The following PARP4 variants were observed in gnomAD, a reference collection of about 807,000 sequenced individuals.
The protein encoded by PARP4 is protein mono-ADP-ribosyltransferase PARP4.
A neutral mutation model predicts 187.7 loss-of-function variants in PARP4; 120 were observed. That is an observed-to-expected ratio of 0.64 (90% CI 0.55 to 0.74). PARP4 has a LOEUF of 0.74. Among genes scored for constraint, PARP4 ranks in the 30% least tolerant of loss-of-function variants. PARP4 has a pLI of 0.00. For synonymous variants in PARP4, 654 were observed against 740.9 expected, an observed-to-expected ratio of 0.88 and a Z score of 1.90; for missense variants, 1,836 against 2,070.5, an observed-to-expected ratio of 0.89 and a Z score of 2.20.
At chr13:24,428,902 T>C (rs932111638) in intron 32 of PARP4, among the ~76,000 whole-genome samples, 1 of 152,226 alleles carries the variant, frequency 6.6e-6, no homozygotes, top group Admixed American at 6.5e-5. Flanking sequence ...TACAAAAATG[T>C]TCAAATATTT....
chr13:24,460,175 G>A lies in PARP4; in HGVS notation c.2134-39C>T, dbSNP rs35932522. On this transcript the variant is annotated intron_variant, in intron 17 of 33. Transcript: ENST00000381989. ...ATATGACTTAGCTTCCAACTTGAAA[G>A]CATACCCATTATATGCCAGCTAACT... 5,575 of 1,573,516 alleles carry A rather than the reference G, an allele frequency of 3.5e-3. 167 individuals are homozygous for A. The African/African-American group carries it at 0.068, about 19-fold the overall frequency.
In PARP4 at chr13:24,512,770, C is replaced by G. The variant is rs1197557696; in HGVS notation, c.-66G>C. Reference sequence around the variant, plus strand: ...TCCGCGCTCCTTGCTCGCGGTACTTCCGTAATCTAGGCTCTCCCTGCCCCC... The same window carrying G: ...TCCGCGCTCCTTGCTCGCGGTACTTGCGTAATCTAGGCTCTCCCTGCCCCC... On this transcript the variant is annotated 5_prime_UTR_variant, in exon 1 of 34. Transcript: ENST00000381989. 2 of 152,458 alleles carry G rather than the reference C, an allele frequency of 1.3e-5. No individual in the cohort carries two copies. Among genetic ancestry groups the G allele is most frequent in the East Asian group, 3.9e-4 (2 of 5,178 alleles). 9.4% of individuals were successfully genotyped at this position (152,458 alleles called of 1,614,324 possible). A position where few individuals can be genotyped will look rare whatever the true frequency, so the allele number is the denominator to read the frequency against.
In PARP4 at chr13:24,443,651, T is replaced by C. The variant is rs779287799; in HGVS notation, c.3446A>G (p.Glu1149Gly). 4.4e-6 allele frequency: 7 copies of C among 1,598,346 alleles called. No individual in the cohort carries two copies. The Admixed American group carries it at 5.0e-5, about 11-fold the overall frequency. ...GILHENETSH[E>G]MKKQTLKSLI... ...ATTTTTACAATGAAAAGAACAAACCTCATGACTGGTTTCATTTTCGTGAAG... is the reference window on the plus strand; with the variant it reads ...ATTTTTACAATGAAAAGAACAAACCCCATGACTGGTTTCATTTTCGTGAAG... The change falls in exon 28 of 34, where the codon GAG (glutamate) becomes GGG (glycine). Residue 1149 changes from glutamate (E) to glycine (G), a missense_variant and splice_region_variant. Transcript: ENST00000381989.
intron 15 of PARP4, among the ~76,000 whole-genome samples, chr13:24,475,187 G>A (rs1872922314): frequency 1.3e-5 from 2 of 151,888 alleles, no homozygotes; most frequent in African/African-American, 4.8e-5. Flanking sequence ...TTTCTCTTTA[G>A]CACCTGTCAC....
intron 15 of PARP4, among the ~76,000 whole-genome samples, chr13:24,470,332 T>A (rs940392924): frequency 6.6e-6 from 1 of 152,152 alleles, no homozygotes; most frequent in Non-Finnish European, 1.5e-5. Context: ...AATTGCCCCT[T>A]TCGTTTTGTG....
chr13:24,510,617 TA>T (rs1869965383), intron 1 of PARP4, among the ~76,000 whole-genome samples: 4 of 151,770 alleles, frequency 2.6e-5, no homozygotes, highest in African/African-American at 7.3e-5. Context: ...CTTGTACATA[TA>T]TTTTTTTGCC....
At chr13:24,503,550 C>T (rs1224008056) in intron 2 of PARP4, 95 bp downstream of exon 2, 8 of 1,420,016 alleles carry the variant, frequency 5.6e-6, no homozygotes, top group Non-Finnish European at 7.9e-6. Context: ...CTCACTCTCT[C>T]CTGCTGCTAA....
rs34689435 is a variant in PARP4, at chr13:24,452,448, T to C, written c.2972A>G (p.Lys991Arg). ...QDESLTLQLV[K>R]RSRPHTRLFA... Reference sequence around the variant, plus strand: ...TAACCTGGTGTGCGGGCGGCTCCTCTTCACGAGCTGTAATGTCAGGCTCTC... The same window carrying C: ...TAACCTGGTGTGCGGGCGGCTCCTCCTCACGAGCTGTAATGTCAGGCTCTC... Residue 991 changes from lysine to arginine, a missense_variant, in exon 24 of 34, where the codon AAG (lysine) becomes AGG (arginine). Physicochemically the swap from Lys to Arg is conservative, Grantham distance 26. This residue lies in a region of PARP4 where 1,147 missense variants were observed against 1,214.2 expected (regional missense o/e 0.94). Transcript: ENST00000381989. The C allele has an allele frequency of 2.3e-3, 3,704 of 1,614,050 alleles. 72 individuals carry two copies. The African/African-American group carries it at 0.044, about 19-fold the overall frequency.
intron 2 of PARP4, among the ~76,000 whole-genome samples, chr13:24,503,018 C>T (rs1289597853): frequency 1.3e-5 from 2 of 152,222 alleles, no homozygotes; most frequent in Admixed American, 6.5e-5. Context: ...GCACCTAGAG[C>T]CTTTGGATTT....
At position 24,421,037 on chromosome 13, in the gene PARP4, G is replaced by A. The variant is rs1869715980; in HGVS notation, c.*82C>T. ...CTACACTGAATGAAACCTTAATGAA[G>A]TTTCATTATAAGTATCTATTATCAT... On this transcript the variant is annotated 3_prime_UTR_variant, in exon 34 of 34. Transcript: ENST00000381989. 1 of 1,461,704 alleles carries A rather than the reference G, an allele frequency of 6.8e-7. No homozygotes were observed. The highest frequency in any genetic ancestry group is 9.1e-7 in the Non-Finnish European group (1 of 1,094,878). The allele number at this position is 1,461,704 out of a possible 1,614,324, so 90.5% of individuals were successfully genotyped here.
At chr13:24,472,746 C>A (rs1157862091) in intron 15 of PARP4, among the ~76,000 whole-genome samples, 1 of 152,162 alleles carries the variant, frequency 6.6e-6, no homozygotes, top group Non-Finnish European at 1.5e-5. Flanking sequence ...GCTGCGGCCC[C>A]AGCACCCGCA....
chr13:24,479,955 T>A (rs1873184550), intron 12 of PARP4, among the ~76,000 whole-genome samples: 1 of 151,292 alleles, frequency 6.6e-6, no homozygotes, highest in Admixed American at 6.6e-5. Context: ...AACGAACAAC[T>A]CCAGATGCGC....
rs1869145091 is a variant in PARP4, at chr13:24,499,345, G to C, written c.433C>G (p.Leu145Val). The change falls in exon 5 of 34, where the codon CTT becomes GTT. Residue 145 changes from leucine to valine, a missense_variant. Physicochemically the swap from Leu to Val is conservative, Grantham distance 32. This residue lies in a region of PARP4 where 1,147 missense variants were observed against 1,214.2 expected (regional missense o/e 0.94). Transcript: ENST00000381989. Reference protein sequence around the residue: ...FGMQNVEIPHLPQDFEVAKYN... With the variant: ...FGMQNVEIPHVPQDFEVAKYN... ...TTTGCAACTTCAAAATCTTGAGGAA[G>C]ATGAGGAATTTCAACATTCTGCATA... 6.3e-7 allele frequency: 1 copy of C among 1,577,446 alleles called. No individual in the cohort carries two copies. Among genetic ancestry groups the C allele is most frequent in the Non-Finnish European group, 8.6e-7 (1 of 1,164,304 alleles).
chr13:24,431,525 A>G lies in PARP4; in HGVS notation c.4747-49T>C, dbSNP rs750635244. On this transcript the variant is annotated intron_variant, in intron 31 of 33. Transcript: ENST00000381989. ...TAAGTTATGTTATTCACATTTTATC[A>G]CATAAGAAGTTACGTAGTGGGGGAA... is the stretch of plus-strand genomic sequence containing the variant. 8.2e-6 allele frequency: 10 copies of G among 1,217,044 alleles called. No homozygotes were observed. The East Asian group carries it at 2.4e-4, about 29-fold the overall frequency. The allele number at this position is 1,217,044 out of a possible 1,614,324, so 75.4% of individuals were successfully genotyped here. A position where few individuals can be genotyped will look rare whatever the true frequency, so the allele number is the denominator to read the frequency against.
At chr13:24,491,291 C>T (rs9318596) in intron 9 of PARP4, among the ~76,000 whole-genome samples, 16,689 of 151,938 alleles carry the variant, frequency 0.11, 991 homozygotes, top group African/African-American at 0.12. Flanking sequence ...TAGCTAACTT[C>T]TTGTATTTTT....
chr13:24,474,648 AC>A (rs1453452875), intron 15 of PARP4, among the ~76,000 whole-genome samples: 2 of 151,916 alleles, frequency 1.3e-5, no homozygotes, highest in Non-Finnish European at 1.5e-5. Context: ...TCCCGCAGGC[AC>A]AGTCCCACAG....
At chr13:24,506,491 A>G (rs2137553064) in intron 1 of PARP4, among the ~76,000 whole-genome samples, 1 of 152,174 alleles carries the variant, frequency 6.6e-6, no homozygotes, top group South Asian at 2.1e-4. Context: ...CATTTTATAG[A>G]GCGCTGATTG....
chr13:24,454,442 C>T (rs1197434575), intron 22 of PARP4, among the ~76,000 whole-genome samples: 26 of 152,192 alleles, frequency 1.7e-4, no homozygotes. Context: ...ACCTCTCATC[C>T]CTGAGGTGCT....
intron 6 of PARP4, among the ~76,000 whole-genome samples, chr13:24,495,748 G>A (rs896217156): frequency 1.3e-5 from 2 of 152,182 alleles, no homozygotes; most frequent in Non-Finnish European, 2.9e-5. Context: ...TCCCAGATAG[G>A]GGGGCCGCAG....
Sources: allele counts gnomAD v4.1 joint callset (sites outside exome capture counted in the v4.1 genomes callset), GRCh38; gene constraint gnomAD v4.1.1; regional missense constraint gnomAD v4.1.1; transcripts MANE v1.5; gene names NCBI Gene and HGNC (gene_info 2026-07-23, HGNC 2026-07-21).